Variants in EML1 observed in about 807,000 individuals in gnomAD.
EML1 encodes EMAP like 1.
Under a neutral mutation model 110.4 loss-of-function variants are expected in EML1, and 27 were observed. That is an observed-to-expected ratio of 0.24 (90% CI 0.18 to 0.34). The LOEUF (loss-of-function observed/expected upper bound fraction) is 0.34. Among genes scored for constraint, EML1 ranks in the 10% least tolerant of loss-of-function variants. The pLI is 1.00. For synonymous variants in EML1, 344 were observed against 385.8 expected, an observed-to-expected ratio of 0.89 and a Z score of 1.27; for missense variants, 741 against 1,030.9, an observed-to-expected ratio of 0.72 and a Z score of 3.85.
In EML1 at chr14:99,878,520, C is replaced by A; in HGVS notation, c.419C>A (p.Ser140Tyr). 1.2e-6 allele frequency: 2 copies of A among 1,614,116 alleles called. No individual in the cohort carries two copies. Residue 140 changes from serine (S) to tyrosine (Y), a missense_variant, in exon 4 of 22, where the codon TCT becomes TAT. Physicochemically the swap from Ser to Tyr is moderately radical, Grantham distance 144. Coordinates refer to ENST00000262233, the MANE Select transcript of EML1 (RefSeq NM_004434.3). ...IKRTSSSERV[S>Y]PGGRRESNGD... The stretch of plus-strand genomic sequence containing the variant: ...AGGACCAGCTCTTCTGAACGAGTGT[C>A]TCCTGGGGGTCGAAGGGAAAGCAAT...
At chr14:99,910,587 A>G (rs992955909) in intron 12 of EML1, among the ~76,000 whole-genome samples, 4 of 152,234 alleles carry the variant, frequency 2.6e-5, no homozygotes, top group African/African-American at 9.6e-5. Context: ...AGCCCAAGCT[A>G]TTATGATGGA....
At chr14:99,744,524 GT>G (rs1187658465) in intron 1 of EML1, among the ~76,000 whole-genome samples, 1 of 152,118 alleles carries the variant, frequency 6.6e-6, no homozygotes, top group African/African-American at 2.4e-5. Flanking sequence ...CTTTCATTGA[GT>G]TTTTTTCCCC....
At position 99,878,742 on chromosome 14, in the gene EML1, C is replaced by A. The variant is rs2059336837; in HGVS notation, c.518+123C>A. ...TGGGAGTACTCTTGGAGAAGAAGACCTTCTCCTCAGGTATTTATAGGACTA... is the reference window on the plus strand; with the variant it reads ...TGGGAGTACTCTTGGAGAAGAAGACATTCTCCTCAGGTATTTATAGGACTA... On this transcript the variant is annotated intron_variant, in intron 4 of 21. Coordinates refer to ENST00000262233, the MANE Select transcript of EML1 (RefSeq NM_004434.3). 2.9e-6 allele frequency: 4 copies of A among 1,386,042 alleles called. No individual in the cohort carries two copies. The East Asian group carries it at 9.6e-5, about 33-fold the overall frequency. The allele number at this position is 1,386,042 out of a possible 1,614,324, so 85.9% of individuals were successfully genotyped here.
At chr14:99,738,370 C>T (rs11160541) in intron 1 of EML1, among the ~76,000 whole-genome samples, 78,443 of 152,178 alleles carry the variant, frequency 0.52, 22,916 homozygotes, top group Middle Eastern at 0.7. Flanking sequence ...AAATGGCCAG[C>T]GACACAGGCA....
chr14:99,939,063 C>CT lies in EML1; in HGVS notation c.2192-128dup. The CT allele has an allele frequency of 7.1e-7, 1 of 1,405,782 alleles. No individual in the cohort carries two copies. The highest frequency in any genetic ancestry group is 1.4e-5 in the African/African-American group (1 of 69,488). The allele number at this position is 1,405,782 out of a possible 1,614,324, so 87.1% of individuals were successfully genotyped here. ...GAGGCCAGGAACTGAGGCTATTGTG[C>CT]TTTTTTGACCCTTGTTTCTAAAGCT... On this transcript the variant is annotated intron_variant, in intron 20 of 21. Coordinates refer to ENST00000262233, the MANE Select transcript of EML1 (RefSeq NM_004434.3). The surrounding 1 kb of genome is among the most constrained non-coding windows in gnomAD (Gnocchi z 4.2).
chr14:99,860,632 A>T (rs1273661137), intron 2 of EML1, among the ~76,000 whole-genome samples: 1 of 152,218 alleles, frequency 6.6e-6, no homozygotes, highest in East Asian at 1.9e-4. Flanking sequence ...CAAAATAGGT[A>T]CTTAGTAAGC....
chr14:99,843,924 T>C (rs959291385), intron 1 of EML1, among the ~76,000 whole-genome samples: 2 of 151,830 alleles, frequency 1.3e-5, no homozygotes, highest in African/African-American at 4.9e-5. Flanking sequence ...AAGACAGATA[T>C]AAAATACCTT....
intron 16 of EML1, 138 bp downstream of exon 16, chr14:99,917,987 T>A: frequency 1.2e-6 from 1 of 838,934 alleles, no homozygotes. Flanking sequence ...AAGAATTAAG[T>A]TAAAAGCGAA....
In EML1 at chr14:99,801,247, T is replaced by A. The variant is rs142321025; in HGVS notation, c.67+7704T>A. On this transcript the variant is annotated intron_variant, in intron 1 of 21. Transcript: ENST00000262233. ...GTCCGTTTGGCAAATCGGGCTGATT[T>A]CCAGTGAATACCTACAGTGGGCGTA... 1.1e-3 allele frequency among the ~76,000 whole-genome samples: 160 copies of A among 152,354 alleles called. 1 individual carries two copies. Among genetic ancestry groups the A allele is most frequent in the African/African-American group, 3.4e-3 (140 of 41,594 alleles).
At chr14:99,816,348 A>C (rs373720931) in intron 1 of EML1, among the ~76,000 whole-genome samples, 1 of 152,188 alleles carries the variant, frequency 6.6e-6, no homozygotes, top group Non-Finnish European at 1.5e-5. Context: ...TTTTTAGTAG[A>C]GATGGGGTTT....
intron 1 of EML1, among the ~76,000 whole-genome samples, chr14:99,767,246 A>G (rs1474443933): frequency 6.6e-6 from 1 of 152,266 alleles, no homozygotes; most frequent in African/African-American, 2.4e-5. Flanking sequence ...TCCTGGTTCC[A>G]GCACTTGCTA....
chr14:99,907,376 G>A lies in EML1; in HGVS notation c.1009-262G>A, dbSNP rs2059868713. On this transcript the variant is annotated intron_variant, in intron 9 of 21. Transcript: ENST00000262233. Reference sequence around the variant, plus strand: ...CCAGCTACATGGGAGGCTGGGGTAGGAGGATTGCTTGAGCCTGGGAGGTCA... The same window carrying A: ...CCAGCTACATGGGAGGCTGGGGTAGAAGGATTGCTTGAGCCTGGGAGGTCA... 9.4e-6 allele frequency: 4 copies of A among 427,246 alleles called. 1 individual carries two copies. The South Asian group carries it at 1.1e-4, about 11-fold the overall frequency. 26.5% of individuals were successfully genotyped at this position (427,246 alleles called of 1,614,324 possible).
intron 2 of EML1, among the ~76,000 whole-genome samples, chr14:99,863,286 T>G (rs1029565430): frequency 6.6e-6 from 1 of 152,238 alleles, no homozygotes; most frequent in African/African-American, 2.4e-5. Context: ...AGCATCTTCC[T>G]GCCCCCCACT....
chr14:99,907,610 G>A (rs1214316237), intron 9 of EML1, 28 bp from the exon 10 acceptor site: 2 of 1,591,164 alleles, frequency 1.3e-6, no homozygotes, highest in Admixed American at 3.4e-5. Context: ...CTCAGATATA[G>A]TCTTCCTGTG....
intron 4 of EML1, among the ~76,000 whole-genome samples, chr14:99,879,751 C>A (rs79862849): frequency 6.6e-6 from 1 of 152,102 alleles, no homozygotes; most frequent in Non-Finnish European, 1.5e-5. Context: ...GGTGATAATA[C>A]CTTGGAAATG....
chr14:99,769,220 C>T (rs1253822139), upstream of EML1, among the ~76,000 whole-genome samples: 2 of 152,144 alleles, frequency 1.3e-5, no homozygotes, highest in Non-Finnish European at 2.9e-5. Context: ...CTCTGAGCAG[C>T]GTGGCCATCT....
intron 3 of EML1, among the ~76,000 whole-genome samples, chr14:99,872,761 T>A (rs2059226675): frequency 1.3e-5 from 2 of 152,244 alleles, no homozygotes; most frequent in Admixed American, 6.5e-5. Flanking sequence ...CTGGGCATTC[T>A]GAATATTAGG....
chr14:99,871,889 T>C (rs2059211444), intron 3 of EML1, among the ~76,000 whole-genome samples: 1 of 152,166 alleles, frequency 6.6e-6, no homozygotes, highest in South Asian at 2.1e-4. Flanking sequence ...GGCAGGGTCG[T>C]GTGGCTGGAG....
At chr14:99,815,806 G>A (rs555446744) in intron 1 of EML1, among the ~76,000 whole-genome samples, 23 of 152,224 alleles carry the variant, frequency 1.5e-4, no homozygotes, top group East Asian at 7.7e-4. Flanking sequence ...GGTAAATTGC[G>A]TCGGTGACAT....
Sources: allele counts gnomAD v4.1 joint callset (sites outside exome capture counted in the v4.1 genomes callset), GRCh38; gene constraint gnomAD v4.1.1; non-coding constraint Gnocchi (gnomAD v3.1); transcripts MANE v1.5; gene names NCBI Gene and HGNC (gene_info 2026-07-23, HGNC 2026-07-21).